FAF1: variants seen among roughly 807,000 people sequenced by gnomAD.
FAF1 encodes the protein Fas associated factor 1, also known as FAS-associated factor 1.
In FAF1, 25 loss-of-function variants were observed where a neutral mutation model predicts 92.5. That is an observed-to-expected ratio of 0.27 (90% CI 0.20 to 0.38). The LOEUF (loss-of-function observed/expected upper bound fraction) is 0.38. FAF1 is among the 10% of genes least tolerant of loss of function. The pLI, the probability that FAF1 is intolerant of heterozygous loss-of-function variation, is 1.00. For synonymous variants in FAF1, 234 were observed against 273.2 expected, an observed-to-expected ratio of 0.86 and a Z score of 1.42; for missense variants, 636 against 793.3, an observed-to-expected ratio of 0.80 and a Z score of 2.38.
At chr1:50,599,134 A>C (rs1344474131) in intron 8 of FAF1, among the ~76,000 whole-genome samples, 1 of 152,092 alleles carries the variant, frequency 6.6e-6, no homozygotes, top group Non-Finnish European at 1.5e-5. Context: ...TTTTCTTGAG[A>C]GGGAACCTCG....
intron 13 of FAF1, among the ~76,000 whole-genome samples, chr1:50,554,686 CTGATA>C (rs534303452): frequency 1.4e-3 from 209 of 152,202 alleles, no homozygotes; most frequent in African/African-American, 4.8e-3. Flanking sequence ...ATGTTATAAT[CTGATA>C]TATCAAACCT....
Position 50,833,481 on chromosome 1 carries a change from A to AAAC in FAF1, c.114+24447_114+24448insGTT, listed in dbSNP as rs1188458164. Among the ~76,000 whole-genome samples the AAAC allele has an allele frequency of 4.6e-5, 7 of 152,148 alleles. No individual in the cohort carries two copies. In the East Asian group the frequency reaches 1.3e-3, roughly 29 times the overall value. On this transcript the variant is annotated intron_variant, in intron 2 of 18. Transcript: ENST00000396153. ...ATCTCAGCACCTCACTGCATTCACC[A>AAAC]ATCTGGAAGCTCTCCAAATCCTGTT...
At chr1:50,870,435 T>C (rs2404720) in intron 1 of FAF1, among the ~76,000 whole-genome samples, 149,649 of 152,354 alleles carry the variant, frequency 0.98, 73,548 homozygotes, top group South Asian at 1. Context: ...CCCGCCTGGG[T>C]GACAGGGCAA....
chr1:50,483,316 T>C (rs549763624), intron 17 of FAF1, among the ~76,000 whole-genome samples: 1 of 152,180 alleles, frequency 6.6e-6, no homozygotes, highest in African/African-American at 2.4e-5. Flanking sequence ...TGACCATATA[T>C]GTGTGGGTCT....
chr1:50,762,253 G>A (rs900620606), intron 4 of FAF1, among the ~76,000 whole-genome samples: 1 of 152,162 alleles, frequency 6.6e-6, no homozygotes, highest in African/African-American at 2.4e-5. Context: ...TTGTGAAAAT[G>A]GCCATACTGC....
intron 1 of FAF1, among the ~76,000 whole-genome samples, chr1:50,902,237 A>C (rs892618565): frequency 6.6e-6 from 1 of 152,334 alleles, no homozygotes; most frequent in East Asian, 1.9e-4. Flanking sequence ...TTTTAATAGA[A>C]TCTTAAAACC....
At chr1:50,842,107 T>C (rs540934580) in intron 2 of FAF1, among the ~76,000 whole-genome samples, 1 of 152,242 alleles carries the variant, frequency 6.6e-6, no homozygotes, top group South Asian at 2.1e-4. Flanking sequence ...ACTTTAAGAC[T>C]CTGTTATACT....
chr1:50,837,224 G>A (rs1210412796), intron 2 of FAF1, among the ~76,000 whole-genome samples: 1 of 151,994 alleles, frequency 6.6e-6, no homozygotes, highest in Non-Finnish European at 1.5e-5. Context: ...CCAAAGTGCT[G>A]GGATTACAGG....
At chr1:50,579,264 T>C (rs1440009657) in intron 12 of FAF1, among the ~76,000 whole-genome samples, 4 of 152,162 alleles carry the variant, frequency 2.6e-5, no homozygotes, top group Non-Finnish European at 4.4e-5. Context: ...GTGTAAGTTA[T>C]CTGCATTTAA....
At chr1:50,810,692 G>A (rs1643897813) in intron 2 of FAF1, among the ~76,000 whole-genome samples, 1 of 152,180 alleles carries the variant, frequency 6.6e-6, no homozygotes, top group African/African-American at 2.4e-5. Context: ...CATAGTTTCT[G>A]TCCAAAAGCT....
intron 1 of FAF1, among the ~76,000 whole-genome samples, chr1:50,903,504 G>A (rs531652357): frequency 6.6e-6 from 1 of 152,190 alleles, no homozygotes; most frequent in East Asian, 1.9e-4. Flanking sequence ...ATTAAATGAT[G>A]TATCTTTAGT....
At chr1:50,725,333 T>C (rs1485603111) in intron 6 of FAF1, among the ~76,000 whole-genome samples, 3 of 152,184 alleles carry the variant, frequency 2.0e-5, no homozygotes, top group African/African-American at 7.2e-5. Flanking sequence ...CTTGACTTAC[T>C]ACTCCTCAAT....
rs77915822 is a variant in FAF1 at position 50,634,293 on chromosome 1, T to C, written c.744+21149A>G. ...ACCTCCAAAACAGTTTATAATGCTA[T>C]CTTCACAATCTTTCTCAAATACAGA... On this transcript the variant is annotated intron_variant, in intron 8 of 18. Transcript: ENST00000396153. 2.0e-5 allele frequency among the ~76,000 whole-genome samples: 3 copies of C among 152,168 alleles called. No individual in the cohort carries two copies. In the East Asian group the frequency reaches 5.8e-4, roughly 29 times the overall value.
Position 50,804,858 on chromosome 1 carries a change from T to C in FAF1, c.115-3181A>G, listed in dbSNP as rs12086756. Among the ~76,000 whole-genome samples the C allele has an allele frequency of 9.9e-3, 1,508 of 152,278 alleles. 23 individuals are homozygous for C. The highest frequency in any genetic ancestry group is 0.034 in the African/African-American group (1,428 of 41,552). On this transcript the variant is annotated intron_variant, in intron 2 of 18. Coordinates refer to ENST00000396153, the MANE Select transcript of FAF1 (RefSeq NM_007051.3). Reference sequence around the variant, plus strand: ...AACACTCTTACCAATTGCCTATTCATTGCCAAGCACTACGCACTACTTTGT... The same window carrying C: ...AACACTCTTACCAATTGCCTATTCACTGCCAAGCACTACGCACTACTTTGT...
At chr1:50,839,779 T>G (rs1644241193) in intron 2 of FAF1, among the ~76,000 whole-genome samples, 1 of 152,020 alleles carries the variant, frequency 6.6e-6, no homozygotes, top group Non-Finnish European at 1.5e-5. Flanking sequence ...CAAATCACAT[T>G]CTACTACAGC....
At chr1:50,695,885 G>C (rs1369907096) in intron 7 of FAF1, among the ~76,000 whole-genome samples, 2 of 151,574 alleles carry the variant, frequency 1.3e-5, no homozygotes, top group Non-Finnish European at 2.9e-5. Flanking sequence ...CTGACCTCAG[G>C]TGATCCATTC....
rs190176883 is a variant in FAF1 at position 50,602,146 on chromosome 1, C to T, written c.745-5930G>A. Among the ~76,000 whole-genome samples, 27 of 152,282 alleles carry T rather than the reference C, an allele frequency of 1.8e-4. No individual in the cohort carries two copies. The East Asian group carries it at 2.7e-3, about 15-fold the overall frequency. On this transcript the variant is annotated intron_variant, in intron 8 of 18. Coordinates refer to ENST00000396153, the MANE Select transcript of FAF1 (RefSeq NM_007051.3). ...TGACACACCCAGTAACACAAGTGAA[C>T]GAGATTCAAACTACAGCTTTACTGT...
Position 50,857,989 on chromosome 1 carries a change from A to G in FAF1, c.54T>C (p.Thr18=). Residue 18 remains threonine (T), a synonymous_variant, in exon 2 of 19, where the codon ACT becomes ACC. Coordinates refer to ENST00000396153, the MANE Select transcript of FAF1 (RefSeq NM_007051.3). ...TAGCTTCGTCAATGTTTTCAATGCC[A>G]GTACATGCCTGGAAAGAAAGTAAAT... The part of the protein sequence containing the change: ...EMILADFQAC[T]GIENIDEAIT... 6.3e-7 allele frequency: 1 copy of G among 1,594,648 alleles called. No homozygotes were observed. The highest frequency in any genetic ancestry group is 8.5e-7 in the Non-Finnish European group (1 of 1,170,592).
intron 2 of FAF1, among the ~76,000 whole-genome samples, chr1:50,831,195 C>T (rs923484726): frequency 1.3e-5 from 2 of 152,028 alleles, no homozygotes; most frequent in African/African-American, 4.8e-5. Context: ...TCACTATTTA[C>T]ACAGTAATAG....
Sources: gnomAD v4.1 joint callset for allele counts (sites outside exome capture counted in the v4.1 genomes callset) on GRCh38, gnomAD v4.1.1 for gene constraint, MANE v1.5 for transcripts, NCBI Gene and HGNC (gene_info 2026-07-23, HGNC 2026-07-21) for gene names.